Variants in HCN1 observed in about 807,000 individuals in gnomAD.
HCN1 encodes potassium/sodium hyperpolarization-activated cyclic nucleotide-gated channel 1.
In HCN1, 13 loss-of-function variants were observed where a neutral mutation model predicts 78.9. The ratio of observed to expected loss-of-function variants is 0.16; its 90% CI spans 0.11 to 0.26. The LOEUF is 0.26. Among genes scored for constraint, HCN1 ranks in the 10% least tolerant of loss-of-function variants. HCN1 has a pLI of 1.00. For missense variants in HCN1, 810 were observed against 1,154.3 expected (o/e 0.70, Z 4.32); for synonymous variants, 552 against 455.5 (o/e 1.21, Z -2.70).
At chr5:45,327,909 G>GA (rs1464888615) in intron 5 of HCN1, among the ~76,000 whole-genome samples, 2 of 151,602 alleles carry the variant, frequency 1.3e-5, no homozygotes, top group Admixed American at 6.6e-5. Flanking sequence ...CCAGAACTGT[G>GA]AAAAAATACA....
intron 2 of HCN1, among the ~76,000 whole-genome samples, chr5:45,495,162 T>C (rs1732175930): frequency 8.1e-6 from 1 of 123,404 alleles, no homozygotes; most frequent in Non-Finnish European, 1.7e-5. Flanking sequence ...TTGATGGGGA[T>C]GGCATTGAAT....
intron 3 of HCN1, among the ~76,000 whole-genome samples, chr5:45,422,776 C>G (rs1369055782): frequency 1.3e-5 from 2 of 152,180 alleles, no homozygotes; most frequent in African/African-American, 4.8e-5. Context: ...AACTCTCCCA[C>G]CCCTTTTATA....
At chr5:45,604,004 C>G (rs908277572) in intron 2 of HCN1, among the ~76,000 whole-genome samples, 1 of 151,966 alleles carries the variant, frequency 6.6e-6, no homozygotes, top group Non-Finnish European at 1.5e-5. Context: ...GATAATATAA[C>G]ACAAAAACTT....
At chr5:45,362,592 G>A (rs1747138954) in intron 4 of HCN1, among the ~76,000 whole-genome samples, 1 of 151,992 alleles carries the variant, frequency 6.6e-6, no homozygotes, top group Non-Finnish European at 1.5e-5. Context: ...GATATTAAAT[G>A]CTGTTTTCCT....
chr5:45,447,137 A>AC (rs1487749029), intron 3 of HCN1, among the ~76,000 whole-genome samples: 9 of 152,190 alleles, frequency 5.9e-5, no homozygotes, highest in African/African-American at 2.2e-4. Flanking sequence ...TATTCAGGAA[A>AC]CCCATCTCAC....
At chr5:45,694,428 G>A (rs1344987194) in intron 1 of HCN1, among the ~76,000 whole-genome samples, 1 of 152,172 alleles carries the variant, frequency 6.6e-6, no homozygotes, top group African/African-American at 2.4e-5. Flanking sequence ...TGGCGGGACT[G>A]TGGATTTTTC....
At chr5:45,502,032 T>G (rs150201767) in intron 2 of HCN1, among the ~76,000 whole-genome samples, 1 of 152,292 alleles carries the variant, frequency 6.6e-6, no homozygotes, top group Admixed American at 6.5e-5. Flanking sequence ...GTACAAAAGA[T>G]ACCATATCCT....
At chr5:45,414,815 C>G (rs1411993458) in intron 3 of HCN1, among the ~76,000 whole-genome samples, 8 of 151,998 alleles carry the variant, frequency 5.3e-5, no homozygotes, top group Admixed American at 5.3e-4. Context: ...TATGGTATCA[C>G]TTGATTTGAG....
chr5:45,519,379 T>A (rs1204429779), intron 2 of HCN1, among the ~76,000 whole-genome samples: 1 of 152,044 alleles, frequency 6.6e-6, no homozygotes, highest in Non-Finnish European at 1.5e-5. Flanking sequence ...CACACAAACA[T>A]ACACACACTG....
intron 2 of HCN1, among the ~76,000 whole-genome samples, chr5:45,526,012 C>A (rs998788254): frequency 1.1e-4 from 17 of 152,048 alleles, no homozygotes; most frequent in African/African-American, 4.1e-4. Flanking sequence ...GAGAAGTTGG[C>A]AGTCGGCAAA....
chr5:45,426,641 G>A (rs975025465), intron 3 of HCN1, among the ~76,000 whole-genome samples: 14 of 152,054 alleles, frequency 9.2e-5, no homozygotes, highest in African/African-American at 1.4e-4. Flanking sequence ...CTGTGAGTTC[G>A]TTAAACCTCT....
chr5:45,604,819 G>GT (rs1227114187), intron 2 of HCN1, among the ~76,000 whole-genome samples: 1 of 151,930 alleles, frequency 6.6e-6, no homozygotes, highest in African/African-American at 2.4e-5. Flanking sequence ...ATTCACAAAT[G>GT]TAAGCAAAGA....
chr5:45,587,380 T>A (rs1247449719), intron 2 of HCN1, among the ~76,000 whole-genome samples: 1 of 152,142 alleles, frequency 6.6e-6, no homozygotes, highest in African/African-American at 2.4e-5. Flanking sequence ...CAAAAAAGGA[T>A]GAGTTCTTGT....
rs1486893585 is a variant in HCN1, at chr5:45,518,272, T to C, written c.850-56265A>G. On this transcript the variant is annotated intron_variant, in intron 2 of 7. Transcript: ENST00000303230. The stretch of plus-strand genomic sequence containing the variant: ...ACTCTAAATTGTTGTGGGCAAAATC[T>C]TGACTTTGTTTTTGGGCATTCCATG... Among the ~76,000 whole-genome samples the C allele has an allele frequency of 2.0e-5, 3 of 152,008 alleles. No homozygotes were observed. The South Asian group carries it at 6.2e-4, about 31-fold the overall frequency.
chr5:45,496,674 T>C (rs898788576), intron 2 of HCN1, among the ~76,000 whole-genome samples: 2 of 152,186 alleles, frequency 1.3e-5, no homozygotes, highest in African/African-American at 4.8e-5. Context: ...TTCATTAATT[T>C]TTTGAAGGGT....
At chr5:45,277,775 T>C (rs191154353) in intron 6 of HCN1, among the ~76,000 whole-genome samples, 1 of 152,284 alleles carries the variant, frequency 6.6e-6, no homozygotes, top group East Asian at 1.9e-4. Context: ...TACAACGATC[T>C]GGCTGGAGAA....
At chr5:45,429,527 TAAG>T (rs1740421589) in intron 3 of HCN1, among the ~76,000 whole-genome samples, 1 of 150,174 alleles carries the variant, frequency 6.7e-6, no homozygotes, top group South Asian at 2.1e-4. Flanking sequence ...GCATGACAGA[TAAG>T]AAAAAAAAAG....
intron 6 of HCN1, among the ~76,000 whole-genome samples, chr5:45,303,085 C>A (rs994723438): frequency 1.3e-5 from 2 of 152,078 alleles, no homozygotes; most frequent in African/African-American, 4.8e-5. Context: ...CATTTTGCAG[C>A]CTTCCTTAGG....
intron 2 of HCN1, among the ~76,000 whole-genome samples, chr5:45,586,176 G>C (rs897345523): frequency 6.6e-6 from 1 of 152,212 alleles, no homozygotes; most frequent in African/African-American, 2.4e-5. Flanking sequence ...GCTCCACCCA[G>C]TTCGAGCTTC....
Sources: gnomAD v4.1 joint callset for allele counts (sites outside exome capture counted in the v4.1 genomes callset) on GRCh38, gnomAD v4.1.1 for gene constraint, MANE v1.5 for transcripts, NCBI Gene and HGNC (gene_info 2026-07-23, HGNC 2026-07-21) for gene names.